The following DLG2 variants were observed in gnomAD, a reference collection of about 807,000 sequenced individuals.
DLG2 encodes the protein disks large homolog 2.
DLG2 carries 45 observed loss-of-function variants against 132.5 expected under a neutral mutation model. That is an observed-to-expected ratio of 0.34 (90% confidence interval 0.27 to 0.44). The LOEUF is 0.44. DLG2 is among the 20% of genes least tolerant of loss of function. DLG2 has a pLI of 1.00. For missense variants in DLG2, 1,045 were observed against 1,196.9 expected, an observed-to-expected ratio of 0.87 and a Z score of 1.87; for synonymous variants, 424 against 419.6, an observed-to-expected ratio of 1.01 and a Z score of -0.13.
chr11:84,735,746 T>G (rs989152530), intron 6 of DLG2, among the ~76,000 whole-genome samples: 35 of 152,130 alleles, frequency 2.3e-4, no homozygotes, highest in Non-Finnish European at 5.0e-4. Context: ...CAATTTGAGA[T>G]CTTTCCTGCT....
chr11:84,672,309 A>G (rs1304641420), intron 6 of DLG2, among the ~76,000 whole-genome samples: 1 of 152,170 alleles, frequency 6.6e-6, no homozygotes, highest in Non-Finnish European at 1.5e-5. Context: ...AATGAGTCAC[A>G]TGACATATCT....
chr11:84,887,007 T>C (rs898356125), intron 6 of DLG2, among the ~76,000 whole-genome samples: 4 of 152,258 alleles, frequency 2.6e-5, no homozygotes, highest in Non-Finnish European at 4.4e-5. Context: ...GCTACTAAAC[T>C]GAAGAGATTC....
chr11:84,633,159 A>G (rs374408939), intron 6 of DLG2, among the ~76,000 whole-genome samples: 2 of 152,160 alleles, frequency 1.3e-5, no homozygotes, highest in Non-Finnish European at 1.5e-5. Flanking sequence ...TCTCCAATCA[A>G]TTATTTCCCT....
At chr11:84,391,995 A>G (rs1294598477) in intron 7 of DLG2, among the ~76,000 whole-genome samples, 1 of 152,178 alleles carries the variant, frequency 6.6e-6, no homozygotes, top group Non-Finnish European at 1.5e-5. Flanking sequence ...TCCTCTCTGA[A>G]TCTCAGCTTT....
At chr11:85,042,192 G>A (rs751461641) in intron 6 of DLG2, among the ~76,000 whole-genome samples, 4 of 152,024 alleles carry the variant, frequency 2.6e-5, no homozygotes, top group East Asian at 1.9e-4. Context: ...GGTTTGAAGC[G>A]CAAAAGAGAT....
intron 10 of DLG2, among the ~76,000 whole-genome samples, chr11:84,085,803 C>T (rs1225691397): frequency 6.6e-6 from 1 of 152,186 alleles, no homozygotes; most frequent in Non-Finnish European, 1.5e-5. Context: ...TATGAATCAT[C>T]ACATCTATGT....
At chr11:83,749,992 T>C (rs1360774775) in intron 18 of DLG2, among the ~76,000 whole-genome samples, 1 of 152,230 alleles carries the variant, frequency 6.6e-6, no homozygotes, top group African/African-American at 2.4e-5. Context: ...CAGGATCAGG[T>C]TGTTATGAAC....
chr11:84,373,253 A>AAAAAAAAC (rs2098713943), intron 7 of DLG2, among the ~76,000 whole-genome samples: 2 of 85,216 alleles, frequency 2.3e-5, no homozygotes, highest in African/African-American at 7.8e-5. Flanking sequence ...AACAGTCAAA[A>AAAAAAAAC]AAAAAAAAAA....
At chr11:83,787,134 GGAT>G (rs1196547885) in intron 17 of DLG2, among the ~76,000 whole-genome samples, 1 of 152,056 alleles carries the variant, frequency 6.6e-6, no homozygotes, top group Non-Finnish European at 1.5e-5. Flanking sequence ...AGGGAAAACA[GGAT>G]GATAAAGAGA....
chr11:85,184,370 G>T (rs1206670034), intron 4 of DLG2, among the ~76,000 whole-genome samples: 16 of 150,104 alleles, frequency 1.1e-4, no homozygotes, highest in East Asian at 1.9e-4. Flanking sequence ...TTAGGAACAG[G>T]TGTGCATAGA....
At chr11:85,135,858 T>TA (rs2076105788) in intron 5 of DLG2, among the ~76,000 whole-genome samples, 2 of 152,152 alleles carry the variant, frequency 1.3e-5, no homozygotes, top group South Asian at 2.1e-4. Flanking sequence ...CACAAGAGAA[T>TA]AAAAAACTAT....
intron 3 of DLG2, among the ~76,000 whole-genome samples, chr11:85,303,727 T>G (rs1428340136): frequency 6.6e-6 from 1 of 152,210 alleles, no homozygotes; most frequent in Non-Finnish European, 1.5e-5. Context: ...TAGTCCCAAT[T>G]GCCATTAACT....
chr11:84,778,195 A>G (rs1300851128), intron 6 of DLG2, among the ~76,000 whole-genome samples: 4 of 152,162 alleles, frequency 2.6e-5, no homozygotes, highest in Non-Finnish European at 5.9e-5. Flanking sequence ...TCCCAGTACC[A>G]TTTATTGAAA....
rs181783856 is a variant in DLG2 at position 84,625,445 on chromosome 11, C to T, written c.358-90714G>A. Among the ~76,000 whole-genome samples, 5 of 152,278 alleles carry T rather than the reference C, an allele frequency of 3.3e-5. 1 individual carries two copies. Among genetic ancestry groups the T allele is most frequent in the East Asian group, 1.9e-4 (1 of 5,172 alleles). ...CTGGGATAATTATGTTATTTCTCTA[C>T]TCAAGGTTACTCTATATGTGTCACC... On this transcript the variant is annotated intron_variant, in intron 6 of 27. Transcript: ENST00000376104.
chr11:84,841,151 G>A (rs966434091), intron 6 of DLG2, among the ~76,000 whole-genome samples: 35 of 151,776 alleles, frequency 2.3e-4, no homozygotes, highest in African/African-American at 6.3e-4. Context: ...TTTAAAATCC[G>A]TAAAATAACA....
At chr11:85,453,681 G>A (rs951448725) in intron 3 of DLG2, 1 of 152,524 alleles carries the variant, frequency 6.6e-6, no homozygotes, top group Non-Finnish European at 1.5e-5. Context: ...TAAATCACAG[G>A]ATCCAAAGGT....
chr11:85,325,224 T>G (rs924903922), intron 3 of DLG2, among the ~76,000 whole-genome samples: 56 of 151,808 alleles, frequency 3.7e-4, no homozygotes, highest in Non-Finnish European at 7.7e-4. Flanking sequence ...CAGGCTTGCT[T>G]AGGTAAACAA....
At chr11:84,266,025 G>A (rs2097626310) in intron 7 of DLG2, among the ~76,000 whole-genome samples, 2 of 152,190 alleles carry the variant, frequency 1.3e-5, no homozygotes, top group African/African-American at 4.8e-5. Flanking sequence ...TTTCTGGGAT[G>A]GGTATGGAAA....
At chr11:83,463,569 A>T (rs1204004110) in intron 26 of DLG2, among the ~76,000 whole-genome samples, 1 of 152,160 alleles carries the variant, frequency 6.6e-6, no homozygotes, top group African/African-American at 2.4e-5. Flanking sequence ...CAGGTGGATC[A>T]CTTGTGCTCA....
Sources: gnomAD v4.1 joint callset for allele counts (sites outside exome capture counted in the v4.1 genomes callset) on GRCh38, gnomAD v4.1.1 for gene constraint, MANE v1.5 for transcripts, NCBI Gene and HGNC (gene_info 2026-07-23, HGNC 2026-07-21) for gene names.